Variants in ANGPT1 observed in about 807,000 individuals in gnomAD.
The protein encoded by ANGPT1 is angiopoietin 1, also known as angiopoietin-1.
A neutral mutation model predicts 62.2 loss-of-function variants in ANGPT1; 17 were observed. That is an observed-to-expected ratio of 0.27 (90% confidence interval 0.19 to 0.41). The LOEUF (loss-of-function observed/expected upper bound fraction) is 0.41, where lower values mean the gene tolerates loss of function less well. ANGPT1 is among the 10% of genes least tolerant of loss of function. The pLI is 1.00. For synonymous variants in ANGPT1, 199 were observed against 198.9 expected (o/e 1.00, Z 0.00); for missense variants, 478 against 594.9 (o/e 0.80, Z 2.04).
chr8:107,446,622 C>A (rs1040160079), intron 1 of ANGPT1, among the ~76,000 whole-genome samples: 1 of 152,086 alleles, frequency 6.6e-6, no homozygotes, highest in African/African-American at 2.4e-5. Context: ...GTGTTTTAAG[C>A]TATGGCTTAG....
intron 1 of ANGPT1, among the ~76,000 whole-genome samples, chr8:107,476,442 G>A (rs1173258170): frequency 6.6e-6 from 1 of 152,054 alleles, no homozygotes; most frequent in Non-Finnish European, 1.5e-5. Context: ...TCATGGGGTG[G>A]GGGGGAGCAG....
chr8:107,423,835 T>TCC (rs1810963612), intron 1 of ANGPT1, among the ~76,000 whole-genome samples: 1 of 102,950 alleles, frequency 9.7e-6, no homozygotes, highest in Admixed American at 1.0e-4. Flanking sequence ...TTCTTTTTTT[T>TCC]TTTTTTTTTT....
chr8:107,255,336 T>C (rs1352180816), intron 8 of ANGPT1, among the ~76,000 whole-genome samples: 1 of 152,104 alleles, frequency 6.6e-6, no homozygotes, highest in Non-Finnish European at 1.5e-5. Context: ...TGCCAGCAGG[T>C]TGGCTTGGCT....
chr8:107,280,202 T>C (rs1351378471), intron 7 of ANGPT1, among the ~76,000 whole-genome samples: 3 of 151,502 alleles, frequency 2.0e-5, no homozygotes, highest in African/African-American at 4.9e-5. Context: ...TTCTTTCTTT[T>C]TTTATTTTTT....
At chr8:107,284,594 T>C in intron 7 of ANGPT1, 88 bp downstream of exon 7, 1 of 1,206,566 alleles carries the variant, frequency 8.3e-7, no homozygotes, top group Non-Finnish European at 1.1e-6. Context: ...GAAGGATGAT[T>C]TTCATTTCTT....
At chr8:107,362,573 A>G (rs1816188143) in intron 1 of ANGPT1, among the ~76,000 whole-genome samples, 1 of 152,054 alleles carries the variant, frequency 6.6e-6, no homozygotes, top group African/African-American at 2.4e-5. Context: ...TATCATCATC[A>G]TTATCTCCAG....
At chr8:107,348,447 T>C (rs1206093916) in intron 1 of ANGPT1, among the ~76,000 whole-genome samples, 2 of 152,200 alleles carry the variant, frequency 1.3e-5, no homozygotes, top group Non-Finnish European at 2.9e-5. Context: ...TCAATCAAAC[T>C]CTTATTATTA....
At chr8:107,450,680 T>C (rs1231373255) in intron 1 of ANGPT1, among the ~76,000 whole-genome samples, 1 of 149,702 alleles carries the variant, frequency 6.7e-6, no homozygotes, top group Non-Finnish European at 1.5e-5. Flanking sequence ...TCAAGGGTAT[T>C]GCCAAGAACA....
intron 1 of ANGPT1, chr8:107,494,438 G>A (rs1288721795): frequency 6.6e-6 from 1 of 152,130 alleles, no homozygotes; most frequent in Non-Finnish European, 1.5e-5. Context: ...AAAAAGAGCT[G>A]TATTACAGAA....
At chr8:107,428,269 C>T (rs1287729548) in intron 1 of ANGPT1, among the ~76,000 whole-genome samples, 2 of 152,216 alleles carry the variant, frequency 1.3e-5, no homozygotes, top group Admixed American at 1.3e-4. Flanking sequence ...TACATGAATT[C>T]AGTTCGTGTG....
At chr8:107,282,259 C>A (rs1814025415) in intron 7 of ANGPT1, among the ~76,000 whole-genome samples, 1 of 151,722 alleles carries the variant, frequency 6.6e-6, no homozygotes, top group Non-Finnish European at 1.5e-5. Flanking sequence ...GATGACTGCA[C>A]ATCTACTTTC....
At chr8:107,492,821 A>G (rs1320190429) in intron 1 of ANGPT1, among the ~76,000 whole-genome samples, 1 of 150,624 alleles carries the variant, frequency 6.6e-6, no homozygotes, top group African/African-American at 2.4e-5. Flanking sequence ...TCTCATGTGC[A>G]CATATTATAC....
intron 7 of ANGPT1, among the ~76,000 whole-genome samples, chr8:107,266,915 A>T (rs529871066): frequency 9.5e-4 from 144 of 152,290 alleles, no homozygotes; most frequent in Non-Finnish European, 1.6e-3. Context: ...CAAATGCATG[A>T]TTATAAATTT....
intron 5 of ANGPT1, among the ~76,000 whole-genome samples, chr8:107,302,526 A>G (rs1385725505): frequency 1.3e-5 from 2 of 151,996 alleles, no homozygotes; most frequent in African/African-American, 2.4e-5. Context: ...TCATTACACT[A>G]GAAACTGTTT....
At chr8:107,257,875 T>TG (rs1491208061) in intron 8 of ANGPT1, among the ~76,000 whole-genome samples, 3 of 59,794 alleles carry the variant, frequency 5.0e-5, no homozygotes, top group African/African-American at 2.0e-4. Flanking sequence ...GACTTGTTTT[T>TG]GTTTCTTTTT....
intron 2 of ANGPT1, among the ~76,000 whole-genome samples, chr8:107,338,579 A>C (rs1815625757): frequency 6.6e-6 from 1 of 152,240 alleles, no homozygotes; most frequent in African/African-American, 2.4e-5. Flanking sequence ...TCTAAAATGT[A>C]CTACTACTAA....
In ANGPT1 at chr8:107,277,978, G is replaced by A. The variant is rs1029908945; in HGVS notation, c.1205+6704C>T. 5.3e-5 allele frequency among the ~76,000 whole-genome samples: 8 copies of A among 152,026 alleles called. No homozygotes were observed. In the East Asian group the frequency reaches 7.7e-4, roughly 15 times the overall value. ...TGTTGGAGACAATAGTGGTGATTTC[G>A]ATATAGAATATATAATTAAAAATTG... On this transcript the variant is annotated intron_variant, in intron 7 of 8. Transcript: ENST00000517746.
intron 4 of ANGPT1, among the ~76,000 whole-genome samples, chr8:107,320,514 C>T (rs1311165758): frequency 3.9e-5 from 6 of 152,178 alleles, no homozygotes; most frequent in African/African-American, 7.2e-5. Context: ...AATACTTAAT[C>T]GTTAAATACT....
At chr8:107,298,198 T>A in intron 5 of ANGPT1, among the ~76,000 whole-genome samples, 1 of 151,988 alleles carries the variant, frequency 6.6e-6, no homozygotes, top group Non-Finnish European at 1.5e-5. Context: ...ACATAGTTTT[T>A]ATACTTTTAT....
Sources: gnomAD v4.1 joint callset for allele counts (sites outside exome capture counted in the v4.1 genomes callset) on GRCh38, gnomAD v4.1.1 for gene constraint, MANE v1.5 for transcripts, NCBI Gene and HGNC (gene_info 2026-07-23, HGNC 2026-07-21) for gene names.